The following BSPRY variants were observed in gnomAD, a reference collection of about 807,000 sequenced individuals.
BSPRY encodes the protein B box and SPRY domain-containing protein.
BSPRY carries 33 observed loss-of-function variants against 38.0 expected under a neutral mutation model. That is an observed-to-expected ratio of 0.87 (90% confidence interval 0.66 to 1.16). The LOEUF (loss-of-function observed/expected upper bound fraction) is 1.16. BSPRY is among the 50% of genes most tolerant of loss of function. The pLI, the probability that BSPRY is intolerant of heterozygous loss-of-function variation, is 0.00. For missense variants in BSPRY, 523 were observed against 533.2 expected (o/e 0.98, Z 0.19); for synonymous variants, 224 against 228.5 (o/e 0.98, Z 0.18).
chr9:113,360,381 A>G lies in BSPRY; in HGVS notation c.301-126A>G, dbSNP rs1162911319. ...AAAAGGCTTACATGCTATTATTTCC[A>G]TTACTAAGCCCGTGGCAGACATTGC... On this transcript the variant is annotated intron_variant, in intron 2 of 5. Transcript: ENST00000374183. 3 of 864,688 alleles carry G rather than the reference A, an allele frequency of 3.5e-6. No homozygotes were observed. In the African/African-American group the frequency reaches 5.1e-5, roughly 15 times the overall value. The allele number at this position is 864,688 out of a possible 1,614,324, so 53.6% of individuals were successfully genotyped here.
chr9:113,351,742 C>T (rs1421787569), intron 1 of BSPRY, among the ~76,000 whole-genome samples: 1 of 152,068 alleles, frequency 6.6e-6, no homozygotes, highest in African/African-American at 2.4e-5. Context: ...GGGGAAGTCA[C>T]TTCTCTTTGG....
In BSPRY at chr9:113,357,886, CTATATATATATA is replaced by C. The variant is rs59328879; in HGVS notation, c.301-2575_301-2564del. The stretch of plus-strand genomic sequence containing the variant: ...GGTACTGTGCCTGGCCTGTAGAGTT[CTATATATATATA>C]TATATATATATATATATATATATAT... On this transcript the variant is annotated intron_variant, in intron 2 of 5. Coordinates refer to ENST00000374183, the MANE Select transcript of BSPRY (RefSeq NM_017688.3). Among the ~76,000 whole-genome samples the C allele has an allele frequency of 2.6e-3, 249 of 96,750 alleles. 7 individuals are homozygous for C. Among genetic ancestry groups the C allele is most frequent in the Admixed American group, 8.5e-3 (78 of 9,126 alleles). The allele number at this position is 96,750 out of a possible 152,430, so 63.5% of individuals were successfully genotyped here. A position where few individuals can be genotyped will look rare whatever the true frequency, so the allele number is the denominator to read the frequency against.
At chr9:113,357,886 C>CTATATATATATA (rs59328879) in intron 2 of BSPRY, among the ~76,000 whole-genome samples, 4 of 96,874 alleles carry the variant, frequency 4.1e-5, no homozygotes, top group African/African-American at 8.6e-5. Flanking sequence ...CTGTAGAGTT[C>CTATATATATATA]TATATATATA....
Position 113,368,349 on chromosome 9 carries a change from A to C in BSPRY, c.648A>C (p.Gln216His), listed in dbSNP as rs1416665510. Residue 216 changes from glutamine (Q) to histidine (H), a missense_variant, in exon 5 of 6, where the codon CAA becomes CAC. Coordinates refer to ENST00000374183, the MANE Select transcript of BSPRY (RefSeq NM_017688.3). ...GCACTCGGAGCCCACTACTGACCCA[A>C]CTCTGGGCAACGGCGGTTCTTGGGT... ...EKCTRSPLLT[Q>H]LWATAVLGSL... 1.9e-5 allele frequency: 31 copies of C among 1,613,810 alleles called. No homozygotes were observed. Among genetic ancestry groups the C allele is most frequent in the Non-Finnish European group, 2.6e-5 (31 of 1,179,972 alleles).
chr9:113,360,791 T>C, intron 3 of BSPRY, 54 bp downstream of exon 3: 1 of 1,388,364 alleles, frequency 7.2e-7, no homozygotes, highest in Non-Finnish European at 9.9e-7. Context: ...CCCAAAAGCC[T>C]GAAAATATCG....
intron 2 of BSPRY, among the ~76,000 whole-genome samples, chr9:113,359,636 T>C (rs1834117361): frequency 6.6e-6 from 1 of 152,130 alleles, no homozygotes; most frequent in South Asian, 2.1e-4. Context: ...GCATCTGGTG[T>C]AGGGGAATGG....
intron 1 of BSPRY, 111 bp from the exon 2 acceptor site, chr9:113,354,129 A>G (rs1834017291): frequency 6.3e-6 from 5 of 797,716 alleles, no homozygotes; most frequent in African/African-American, 1.7e-5. Context: ...GATCTGGGCT[A>G]TGACCATGGG....
chr9:113,364,451 T>C (rs1370277184), intron 4 of BSPRY, among the ~76,000 whole-genome samples: 1 of 152,188 alleles, frequency 6.6e-6, no homozygotes, highest in Non-Finnish European at 1.5e-5. Context: ...TTTGTCATCT[T>C]CCTTTAATAC....
chr9:113,359,873 A>T (rs1300040612), intron 2 of BSPRY, among the ~76,000 whole-genome samples: 1 of 139,870 alleles, frequency 7.1e-6, no homozygotes, highest in African/African-American at 3.0e-5. Flanking sequence ...CATCTCTATT[A>T]AAAAAAATTT....
At chr9:113,361,338 A>G (rs987282839) in intron 3 of BSPRY, among the ~76,000 whole-genome samples, 1 of 152,236 alleles carries the variant, frequency 6.6e-6, no homozygotes, top group Non-Finnish European at 1.5e-5. Context: ...AAGGGAATAA[A>G]ACTATGTTTC....
intron 4 of BSPRY, among the ~76,000 whole-genome samples, chr9:113,363,256 G>A (rs1442348134): frequency 6.6e-6 from 1 of 151,154 alleles, no homozygotes; most frequent in Non-Finnish European, 1.5e-5. Context: ...GACCAGCCTG[G>A]GCAATACAAT....
At position 113,354,305 on chromosome 9, in the gene BSPRY, G is replaced by A. The variant is rs373291577; in HGVS notation, c.267G>A (p.Ala89=). Residue 89 remains alanine (A), a synonymous_variant, in exon 2 of 6, where the codon GCG becomes GCA. Transcript: ENST00000374183. ...GTGCTGCCATCACCAAGTATGTGGC[G>A]GACGTCCTGCCGGGGAAGAATCAAA... is the stretch of plus-strand genomic sequence containing the variant. The part of the protein sequence containing the change: ...LQSAAITKYV[A]DVLPGKNQRA... 4.3e-5 allele frequency: 69 copies of A among 1,613,962 alleles called. No individual in the cohort carries two copies. In the Middle Eastern group the frequency reaches 8.2e-4, roughly 19 times the overall value.
intron 4 of BSPRY, among the ~76,000 whole-genome samples, chr9:113,365,393 A>G (rs1431475233): frequency 6.6e-6 from 1 of 152,166 alleles, no homozygotes; most frequent in African/African-American, 2.4e-5. Context: ...GTGCATTATA[A>G]TCTGTCACTG....
At chr9:113,364,564 G>A (rs1042761314) in intron 4 of BSPRY, among the ~76,000 whole-genome samples, 4 of 152,030 alleles carry the variant, frequency 2.6e-5, no homozygotes, top group Admixed American at 2.6e-4. Flanking sequence ...GAAAAAAGTT[G>A]CAAAGGTAGT....
chr9:113,360,609 G>T lies in BSPRY; in HGVS notation c.403G>T (p.Glu135Ter), dbSNP rs767724502. The T allele has an allele frequency of 1.9e-6, 3 of 1,608,594 alleles. No individual in the cohort carries two copies. In the African/African-American group the frequency reaches 4.0e-5, roughly 21 times the overall value. Residue 135 changes from glutamate (E) to a stop codon, truncating the protein, a stop_gained, in exon 3 of 6, where the codon GAA becomes TAA. Transcript: ENST00000374183. LOFTEE classifies it high-confidence loss of function. ...EQRLLEQVHG[E>*]EERAHQSILT... Reference sequence around the variant, plus strand: ...GCGGTTACTGGAACAGGTGCATGGCGAAGAGGAGCGGGCCCACCAGAGCAT... The same window carrying T: ...GCGGTTACTGGAACAGGTGCATGGCTAAGAGGAGCGGGCCCACCAGAGCAT...
At chr9:113,350,206 G>C (rs1588058862) in intron 1 of BSPRY, among the ~76,000 whole-genome samples, 1 of 152,096 alleles carries the variant, frequency 6.6e-6, no homozygotes, top group African/African-American at 2.4e-5. Flanking sequence ...CTCAGCGCAG[G>C]GTGTGCCCCA....
At chr9:113,360,775 A>G (rs1834141501) in intron 3 of BSPRY, 38 bp downstream of exon 3, 1 of 1,498,260 alleles carries the variant, frequency 6.7e-7, no homozygotes, top group Non-Finnish European at 9.1e-7. Context: ...CCAGTTGGCC[A>G]GGCTCCCCAA....
chr9:113,351,199 G>A (rs1416925642), intron 1 of BSPRY, among the ~76,000 whole-genome samples: 1 of 152,088 alleles, frequency 6.6e-6, no homozygotes, highest in Non-Finnish European at 1.5e-5. Flanking sequence ...GCTAGTTTCG[G>A]TACTACCCTA....
chr9:113,362,509 G>T (rs1049365752), intron 4 of BSPRY, 115 bp downstream of exon 4: 2 of 1,163,902 alleles, frequency 1.7e-6, no homozygotes, highest in Non-Finnish European at 2.6e-6. Context: ...GTGCAGCTGA[G>T]TGGCTTTTCT....
Sources: allele counts gnomAD v4.1 joint callset (sites outside exome capture counted in the v4.1 genomes callset), GRCh38; gene constraint gnomAD v4.1.1; transcripts MANE v1.5; gene names NCBI Gene and HGNC (gene_info 2026-07-23, HGNC 2026-07-21).